Variants in NPHS1 observed in about 807,000 individuals in gnomAD.
NPHS1 encodes NPHS1 adhesion molecule, nephrin.
In NPHS1, 107 loss-of-function variants were observed where a neutral mutation model predicts 139.7. The observed-to-expected ratio is 0.77, with a 90% confidence interval of 0.66 to 0.90. The LOEUF (loss-of-function observed/expected upper bound fraction) is 0.90. Ranked by LOEUF, NPHS1 falls within the 40% of genes least tolerant of loss-of-function variation. NPHS1 has a pLI of 0.00. For synonymous variants in NPHS1, 707 were observed against 706.6 expected (o/e 1.00, Z -0.01); for missense variants, 1,580 against 1,654.2 (o/e 0.96, Z 0.78).
intron 8 of NPHS1, 31 bp downstream of exon 8, chr19:35,848,945 C>T (rs370899128): frequency 2.7e-5 from 43 of 1,611,160 alleles, no homozygotes; most frequent in Non-Finnish European, 3.3e-5. Flanking sequence ...AGGCACAGAC[C>T]GACAGGGGGG....
chr19:35,833,186 G>A (rs1972907740), intron 23 of NPHS1, among the ~76,000 whole-genome samples: 1 of 151,970 alleles, frequency 6.6e-6, no homozygotes, highest in Non-Finnish European at 1.5e-5. Flanking sequence ...GAGCCACCGT[G>A]CCCAGCCTCA....
chr19:35,831,507 G>A lies in NPHS1; in HGVS notation c.3287-7C>T, dbSNP rs368552957. 1 of 1,613,872 alleles carries A rather than the reference G, an allele frequency of 6.2e-7. No homozygotes were observed. The highest frequency in any genetic ancestry group is 8.5e-7 in the Non-Finnish European group (1 of 1,179,984). ...TCTGTCTTCTCTGAGATGCCTGAAG[G>A]AAACAGGAATAAAGGGCTCAGTGAC... On this transcript the variant is annotated splice_region_variant and splice_polypyrimidine_tract_variant and intron_variant, in intron 24 of 28. Coordinates refer to ENST00000378910, the MANE Select transcript of NPHS1 (RefSeq NM_004646.4).
intron 14 of NPHS1, 137 bp from the exon 15 acceptor site, chr19:35,844,596 C>A: frequency 1.2e-6 from 1 of 866,474 alleles, no homozygotes; most frequent in Admixed American, 2.3e-5. Context: ...GTAACAAGTT[C>A]AGAGCTAAGC....
At chr19:35,828,485 C>T (rs1177796503) in intron 28 of NPHS1, among the ~76,000 whole-genome samples, 1 of 152,140 alleles carries the variant, frequency 6.6e-6, no homozygotes, top group Non-Finnish European at 1.5e-5. Context: ...AGGCTGGTCT[C>T]AAACTTCTGA....
intron 22 of NPHS1, among the ~76,000 whole-genome samples, chr19:35,837,904 G>T (rs1972991423): frequency 9.0e-6 from 1 of 111,358 alleles, no homozygotes; most frequent in Non-Finnish European, 1.8e-5. Flanking sequence ...TTCTTAAGAT[G>T]AAAACTTAGA....
intron 23 of NPHS1, among the ~76,000 whole-genome samples, chr19:35,832,171 C>T (rs547010575): frequency 6.6e-6 from 1 of 152,320 alleles, no homozygotes; most frequent in African/African-American, 2.4e-5. Flanking sequence ...AGCAAATTCA[C>T]ACCTCAGAGC....
intron 20 of NPHS1, among the ~76,000 whole-genome samples, chr19:35,839,881 A>G (rs563294103): frequency 6.6e-6 from 1 of 152,210 alleles, no homozygotes; most frequent in Non-Finnish European, 1.5e-5. Context: ...CTCAAATTAA[A>G]CATTAAAATA....
At chr19:35,839,061 T>C (rs1182062511) in intron 22 of NPHS1, among the ~76,000 whole-genome samples, 176 bp downstream of exon 22, 1 of 152,218 alleles carries the variant, frequency 6.6e-6, no homozygotes, top group African/African-American at 2.4e-5. Context: ...CTCAAGTTCA[T>C]CTGCCTGAGT....
intron 28 of NPHS1, 142 bp downstream of exon 28, chr19:35,830,702 C>T: frequency 2.7e-6 from 2 of 731,960 alleles, no homozygotes; most frequent in Non-Finnish European, 5.0e-6. Flanking sequence ...GACCATCATG[C>T]CCAGCCGACT....
rs1972803398 is a variant in NPHS1, at chr19:35,826,580, C to T, written c.3660G>A (p.Val1220=). Residue 1220 remains valine (V), a synonymous_variant, in exon 29 of 29, where the codon GTG becomes GTA. Transcript: ENST00000378910. ...YQDPRGIYDQ[V]AGDLDTLEPD... is the part of the protein sequence containing the mutation. ...GTTCCAGAGTGTCCAAGTCTCCGGC[C>T]ACCTGGTCATAGATTCCTCTTGGAT... 1 of 1,613,994 alleles carries T rather than the reference C, an allele frequency of 6.2e-7. No homozygotes were observed. Among genetic ancestry groups the T allele is most frequent in the African/African-American group, 1.3e-5 (1 of 74,998 alleles).
chr19:35,848,974 A>C lies in NPHS1; in HGVS notation c.1012+2T>G, dbSNP rs1430436552. Reference sequence around the variant, plus strand: ...AGGGGGGCAGCTGGCACCAGGACTCACAGGTGACCTGCAGTGTGATGCCGT... The same window carrying C: ...AGGGGGGCAGCTGGCACCAGGACTCCCAGGTGACCTGCAGTGTGATGCCGT... On this transcript the variant is annotated splice_donor_variant, in intron 8 of 28. Coordinates refer to ENST00000378910, the MANE Select transcript of NPHS1 (RefSeq NM_004646.4). LOFTEE classifies it high-confidence loss of function. 6.2e-7 allele frequency: 1 copy of C among 1,611,618 alleles called. No individual in the cohort carries two copies.
At position 35,833,853 on chromosome 19, in the gene NPHS1, T is replaced by G. The variant is rs564154846; in HGVS notation, c.3166+1852A>C. 1.1e-4 allele frequency among the ~76,000 whole-genome samples: 16 copies of G among 152,210 alleles called. 1 individual carries two copies. The South Asian group carries it at 3.3e-3, about 32-fold the overall frequency. ...CTGGGACTGCAGGCATGCACTGCCA[T>G]GCCTGGCTAATTTTTTTTGTTTTTG... On this transcript the variant is annotated intron_variant, in intron 23 of 28. Transcript: ENST00000378910.
chr19:35,847,057 T>G (rs1046865234), intron 11 of NPHS1, among the ~76,000 whole-genome samples: 1 of 152,122 alleles, frequency 6.6e-6, no homozygotes, highest in South Asian at 2.1e-4. Context: ...TTCTTTTCTT[T>G]TTTTTTGAGA....
rs1228067466 is a variant in NPHS1, at chr19:35,842,620, T to G, written c.2335-70A>C. On this transcript the variant is annotated intron_variant, in intron 17 of 28. Coordinates refer to ENST00000378910, the MANE Select transcript of NPHS1 (RefSeq NM_004646.4). Reference sequence around the variant, plus strand: ...GATCCATCACTGCCCAAATTGTCCCTTCTGTAGCCTCATTCTCCTAGCCAC... The same window carrying G: ...GATCCATCACTGCCCAAATTGTCCCGTCTGTAGCCTCATTCTCCTAGCCAC... The G allele has an allele frequency of 4.7e-6, 7 of 1,494,962 alleles. 1 individual carries two copies. The South Asian group carries it at 6.8e-5, about 14-fold the overall frequency. 92.6% of individuals were successfully genotyped at this position (1,494,962 alleles called of 1,614,324 possible). A position where few individuals can be genotyped will look rare whatever the true frequency, so the allele number is the denominator to read the frequency against.
At position 35,825,389 on chromosome 19, in the gene NPHS1, T is replaced by A. The variant is rs1972787575; in HGVS notation, c.*1125A>T. ...TTATGAAGCCTGTTTTTAAAATCACTTTTATTGAGATATCATTTATGTACA... is the reference window on the plus strand; with the variant it reads ...TTATGAAGCCTGTTTTTAAAATCACATTTATTGAGATATCATTTATGTACA... On this transcript the variant is annotated 3_prime_UTR_variant, in exon 29 of 29. Transcript: ENST00000378910. 6.6e-6 allele frequency among the ~76,000 whole-genome samples: 1 copy of A among 152,106 alleles called. No homozygotes were observed. The highest frequency in any genetic ancestry group is 1.5e-5 in the Non-Finnish European group (1 of 68,010).
rs1357857726 is a variant in NPHS1, at chr19:35,826,566, T to C, written c.3674A>G (p.Asp1225Gly). Residue 1225 changes from aspartate to glycine, a missense_variant, in exon 29 of 29, where the codon GAC becomes GGC. Transcript: ENST00000378910. Reference protein sequence around the residue: ...GIYDQVAGDLDTLEPDSLPFE... With the variant: ...GIYDQVAGDLGTLEPDSLPFE... ...GGGCAGAGAATCGGGTTCCAGAGTG[T>C]CCAAGTCTCCGGCCACCTGGTCATA... The C allele has an allele frequency of 6.2e-7, 1 of 1,613,834 alleles. No homozygotes were observed. The highest frequency in any genetic ancestry group is 8.5e-7 in the Non-Finnish European group (1 of 1,179,998).
At chr19:35,830,333 C>A (rs898009601) in intron 28 of NPHS1, among the ~76,000 whole-genome samples, 2 of 152,234 alleles carry the variant, frequency 1.3e-5, no homozygotes, top group African/African-American at 2.4e-5. Flanking sequence ...TGGGTTGAAC[C>A]CCCAGTGAAC....
chr19:35,831,816 G>A, intron 23 of NPHS1, 54 bp from the exon 24 acceptor site: 2 of 1,540,950 alleles, frequency 1.3e-6, no homozygotes, highest in South Asian at 2.4e-5. Flanking sequence ...TGTAGGCCAG[G>A]GGTGGGTCTC....
rs770046720 is a variant in NPHS1, at chr19:35,826,537, C to T, written c.3703G>A (p.Glu1235Lys). 26 of 1,613,874 alleles carry T rather than the reference C, an allele frequency of 1.6e-5. 2 individuals carry two copies. The highest frequency in any genetic ancestry group is 1.4e-4 in the South Asian group (13 of 91,062). Residue 1235 changes from glutamate (E) to lysine (K), a missense_variant, in exon 29 of 29, where the codon GAG becomes AAG. Glu to Lys is a moderately conservative substitution (Grantham distance 56, BLOSUM62 1). Transcript: ENST00000378910. ...DTLEPDSLPF[E>K]LRGHLV ...TCTTACACCAGATGTCCCCTCAGCT[C>T]GAAGGGCAGAGAATCGGGTTCCAGA...
Sources: gnomAD v4.1 joint callset for allele counts (sites outside exome capture counted in the v4.1 genomes callset) on GRCh38, gnomAD v4.1.1 for gene constraint, MANE v1.5 for transcripts, NCBI Gene and HGNC (gene_info 2026-07-23, HGNC 2026-07-21) for gene names.